C16orf96: variants seen among roughly 807,000 people sequenced by gnomAD.
C16orf96 encodes the protein uncharacterized protein C16orf96.
In C16orf96, 108 loss-of-function variants were observed where a neutral mutation model predicts 103.6. The observed-to-expected ratio is 1.04, with a 90% CI of 0.89 to 1.22. C16orf96 has a LOEUF of 1.22. C16orf96 is among the 50% of genes most tolerant of loss of function. The pLI, the probability that C16orf96 is intolerant of heterozygous loss-of-function variation, is 0.00. For synonymous variants in C16orf96, 566 were observed against 593.5 expected, an observed-to-expected ratio of 0.95 and a Z score of 0.67; for missense variants, 1,586 against 1,464.2, an observed-to-expected ratio of 1.08 and a Z score of -1.36.
chr16:4,556,481 C>A lies in C16orf96; in HGVS notation c.-9C>A, dbSNP rs921342849. The A allele has an allele frequency of 6.6e-7, 1 of 1,516,842 alleles. No individual in the cohort carries two copies. The highest frequency in any genetic ancestry group is 8.9e-7 in the Non-Finnish European group (1 of 1,125,420). 94.0% of individuals were successfully genotyped at this position (1,516,842 alleles called of 1,614,324 possible). ...TGGAACCCCAGCCCCACTGACCCAC[C>A]CTGGCAGGATGAGCTTCTCACTCAC... On this transcript the variant is annotated 5_prime_UTR_variant, in exon 1 of 16. Coordinates refer to ENST00000444310, the MANE Select transcript of C16orf96 (RefSeq NM_001145011.2).
rs769800136 is a variant in C16orf96 at position 4,594,812 on chromosome 16, C to T, written c.3127+9C>T. 6.8e-5 allele frequency: 105 copies of T among 1,549,158 alleles called. No individual in the cohort carries two copies. The highest frequency in any genetic ancestry group is 9.8e-5 in the Admixed American group (5 of 50,944). On this transcript the variant is annotated intron_variant, in intron 14 of 15. Transcript: ENST00000444310. ...CGCAAAGGAGCTGGCAGGTGAGGGG[C>T]GTAGGGCTCCCTGGGGCACCCTTGC...
At position 4,556,358 on chromosome 16, in the gene C16orf96, C is replaced by A. The variant is rs903760715; in HGVS notation, c.-132C>A. The A allele has an allele frequency of 2.4e-5, 21 of 884,122 alleles. No homozygotes were observed. Among genetic ancestry groups the A allele is most frequent in the African/African-American group, 5.1e-5 (3 of 59,068 alleles). 54.8% of individuals were successfully genotyped at this position (884,122 alleles called of 1,614,324 possible). A position where few individuals can be genotyped will look rare whatever the true frequency, so the allele number is the denominator to read the frequency against. On this transcript the variant is annotated 5_prime_UTR_variant, in exon 1 of 16. Coordinates refer to ENST00000444310, the MANE Select transcript of C16orf96 (RefSeq NM_001145011.2). ...TCCAGCCAGAACAGAGGCCATTCCT[C>A]CCTGACTGCTGTGACTCACCACCAC... is the stretch of plus-strand genomic sequence containing the variant.
At chr16:4,553,555 C>T (rs557878140), upstream of C16orf96, among the ~76,000 whole-genome samples, 3 of 152,150 alleles carry the variant, frequency 2.0e-5, no homozygotes, top group African/African-American at 4.8e-5. Context: ...GCAGGCTGGT[C>T]TCACGCTCTA....
chr16:4,596,124 G>A (rs183952556), intron 14 of C16orf96, among the ~76,000 whole-genome samples: 16 of 152,242 alleles, frequency 1.1e-4, no homozygotes, highest in African/African-American at 3.6e-4. Context: ...TGGGGTTGCC[G>A]AGACAAATTA....
At position 4,593,397 on chromosome 16, in the gene C16orf96, A is replaced by G; in HGVS notation, c.2867+81A>G. On this transcript the variant is annotated intron_variant, in intron 12 of 15. Transcript: ENST00000444310. This position sits in a 1 kb window ranked among gnomAD's most constrained non-coding sequence, Gnocchi z 4.2. Reference sequence around the variant, plus strand: ...GCCTGGGAACCCTGTTCCTGCAGAGACACATCCTCCAGGCCCAGGGACCTA... The same window carrying G: ...GCCTGGGAACCCTGTTCCTGCAGAGGCACATCCTCCAGGCCCAGGGACCTA... 1 of 1,323,044 alleles carries G rather than the reference A, an allele frequency of 7.6e-7. No homozygotes were observed. Among genetic ancestry groups the G allele is most frequent in the Non-Finnish European group, 1.1e-6 (1 of 951,764 alleles). 82.0% of individuals were successfully genotyped at this position (1,323,044 alleles called of 1,614,324 possible).
Position 4,576,344 on chromosome 16 carries a change from G to C in C16orf96, c.1864G>C (p.Asp622His). 6.4e-7 allele frequency: 1 copy of C among 1,550,838 alleles called. No homozygotes were observed. Among genetic ancestry groups the C allele is most frequent in the Non-Finnish European group, 8.7e-7 (1 of 1,146,994 alleles). The change falls in exon 5 of 16, where the codon GAT becomes CAT. Residue 622 changes from aspartate to histidine, a missense_variant. Transcript: ENST00000444310. ...AAAGPLGVFA[D>H]VLGAGPSRGA... The stretch of plus-strand genomic sequence containing the variant: ...AGCTGGGCCCCTAGGGGTCTTTGCA[G>C]ATGTCCTGGGTGCAGGGCCTTCCCG...
intron 10 of C16orf96, among the ~76,000 whole-genome samples, 181 bp from the exon 11 acceptor site, chr16:4,592,124 T>C (rs930008000): frequency 1.3e-5 from 2 of 152,122 alleles, no homozygotes; most frequent in Non-Finnish European, 2.9e-5. Context: ...TTAAAAACCA[T>C]CCGTTGTGTT....
upstream of C16orf96, among the ~76,000 whole-genome samples, chr16:4,551,343 T>TC (rs200062344): frequency 0.012 from 1,875 of 152,226 alleles, 50 homozygotes; most frequent in African/African-American, 0.043. Context: ...GCGTGCCCAC[T>TC]CCCCTACAGC....
intron 11 of C16orf96, 26 bp downstream of exon 11, chr16:4,592,393 C>T (rs1216814934): frequency 5.8e-6 from 9 of 1,551,264 alleles, no homozygotes; most frequent in Non-Finnish European, 7.0e-6. Context: ...CAGGGTGCCC[C>T]GGCCCTAAGG....
chr16:4,563,240 C>A, intron 1 of C16orf96: 2 of 500,640 alleles, frequency 4.0e-6, no homozygotes, highest in South Asian at 1.8e-5. Context: ...CTCGTTCGCT[C>A]ATGACTGACT....
chr16:4,566,032 G>A (rs1219378771), intron 1 of C16orf96, among the ~76,000 whole-genome samples: 1 of 152,078 alleles, frequency 6.6e-6, no homozygotes, highest in Non-Finnish European at 1.5e-5. Flanking sequence ...ATGTAGAGAT[G>A]TGGTCTTGCT....
At position 4,562,805 on chromosome 16, in the gene C16orf96, C is replaced by T. The variant is rs1219238510; in HGVS notation, c.420+5896C>T. 30 of 1,270,542 alleles carry T rather than the reference C, an allele frequency of 2.4e-5. No homozygotes were observed. In the South Asian group the frequency reaches 3.1e-4, roughly 13 times the overall value. The allele number at this position is 1,270,542 out of a possible 1,614,324, so 78.7% of individuals were successfully genotyped here. Reference sequence around the variant, plus strand: ...CAGTACAGGTTTTATTTATATGGCTCGAATTTTACAGGTTTCTTACTGTAT... The same window carrying T: ...CAGTACAGGTTTTATTTATATGGCTTGAATTTTACAGGTTTCTTACTGTAT... On this transcript the variant is annotated intron_variant, in intron 1 of 15. Transcript: ENST00000444310.
chr16:4,544,335 A>C, the C16orf96 span, among the ~76,000 whole-genome samples: 6 of 152,104 alleles, frequency 3.9e-5, no homozygotes, highest in East Asian at 5.8e-4. Flanking sequence ...GCTGGACGCA[A>C]TGGCTCACTC....
chr16:4,540,006 CTGATT>C, the C16orf96 span, among the ~76,000 whole-genome samples: 6 of 152,172 alleles, frequency 3.9e-5, no homozygotes, highest in Non-Finnish European at 1.5e-5. Flanking sequence ...TCCAGGGAGA[CTGATT>C]TGAGTAATGA....
Position 4,591,712 on chromosome 16 carries a change from T to C in C16orf96, c.2639T>C (p.Val880Ala), listed in dbSNP as rs1339734691. The C allele has an allele frequency of 6.4e-7, 1 of 1,551,252 alleles. No individual in the cohort carries two copies. Among genetic ancestry groups the C allele is most frequent in the Non-Finnish European group, 8.7e-7 (1 of 1,146,938 alleles). Residue 880 changes from valine to alanine, a missense_variant, in exon 10 of 16, where the codon GTC (valine) becomes GCC (alanine). Transcript: ENST00000444310. ...CCCTTGAAGAAAGAAATGGAAGAGG[T>C]CTGGAAAATCGTCCGGAAGCTGCTG... ...LDPLKKEMEE[V>A]WKIVRKLLIE...
intron 14 of C16orf96, among the ~76,000 whole-genome samples, chr16:4,596,196 C>T (rs910078311): frequency 6.6e-6 from 1 of 152,064 alleles, no homozygotes; most frequent in African/African-American, 2.4e-5. Context: ...TGTAGCACGC[C>T]GTCCCATTGG....
chr16:4,600,500 T>TCCC lies in C16orf96; in HGVS notation c.*184_*186dup, dbSNP rs1567140134. ...GCTGAGGCTCATGCGCCCCCCCCCATCCCTACCAAGTCCCCTCCACGTCCG... is the reference window on the plus strand; with the variant it reads ...GCTGAGGCTCATGCGCCCCCCCCCATCCCCCCTACCAAGTCCCCTCCACGTCCG... On this transcript the variant is annotated 3_prime_UTR_variant, in exon 16 of 16. Transcript: ENST00000444310. 17 of 398,604 alleles carry TCCC rather than the reference T, an allele frequency of 4.3e-5. No homozygotes were observed. Among genetic ancestry groups the TCCC allele is most frequent in the African/African-American group, 1.3e-4 (3 of 23,462 alleles). 24.7% of individuals were successfully genotyped at this position (398,604 alleles called of 1,614,324 possible).
upstream of C16orf96, among the ~76,000 whole-genome samples, chr16:4,551,961 G>A (rs2059230630): frequency 6.6e-6 from 1 of 151,796 alleles, no homozygotes; most frequent in African/African-American, 2.4e-5. Context: ...CCCTCCCTGT[G>A]TCCATGTGTT....
At chr16:4,585,292 A>AG in intron 7 of C16orf96, among the ~76,000 whole-genome samples, 1 of 67,046 alleles carries the variant, frequency 1.5e-5, no homozygotes, top group South Asian at 8.7e-4. Flanking sequence ...CTGTCTCTAC[A>AG]AAAAAAAAAA....
Sources: allele counts gnomAD v4.1 joint callset (sites outside exome capture counted in the v4.1 genomes callset), GRCh38; gene constraint gnomAD v4.1.1; non-coding constraint Gnocchi (gnomAD v3.1); transcripts MANE v1.5; gene names NCBI Gene and HGNC (gene_info 2026-07-23, HGNC 2026-07-21).